FGF14: variants seen among roughly 807,000 people sequenced by gnomAD.
FGF14 encodes the protein fibroblast growth factor homologous factor 4.
In FGF14, 5 loss-of-function variants were observed where a neutral mutation model predicts 25.5. The observed-to-expected ratio is 0.20, with a 90% CI of 0.10 to 0.41. The LOEUF is 0.41. Ranked by LOEUF, FGF14 falls within the 10% of genes least tolerant of loss-of-function variation. The pLI is 1.00. For synonymous variants in FGF14, 138 were observed against 118.3 expected, an observed-to-expected ratio of 1.17 and a Z score of -1.08; for missense variants, 222 against 320.1, an observed-to-expected ratio of 0.69 and a Z score of 2.34.
intron 1 of FGF14, among the ~76,000 whole-genome samples, chr13:101,978,106 G>T (rs1016061698): frequency 6.6e-6 from 1 of 152,114 alleles, no homozygotes; most frequent in Non-Finnish European, 1.5e-5. Context: ...TCCAAAACAG[G>T]GAGATTTAAA....
chr13:101,901,234 A>T (rs900084001), intron 1 of FGF14, among the ~76,000 whole-genome samples: 4 of 152,218 alleles, frequency 2.6e-5, no homozygotes, highest in Non-Finnish European at 4.4e-5. Flanking sequence ...TATTATTGAA[A>T]TAGCAACATT....
intron 3 of FGF14, among the ~76,000 whole-genome samples, chr13:101,829,776 C>G (rs1184876747): frequency 6.6e-6 from 1 of 152,084 alleles, no homozygotes; most frequent in African/African-American, 2.4e-5. Flanking sequence ...TTTCAAAACT[C>G]TATTAGCATT....
intron 1 of FGF14, among the ~76,000 whole-genome samples, chr13:101,992,547 T>C (rs965937251): frequency 6.6e-6 from 1 of 152,012 alleles, no homozygotes; most frequent in Non-Finnish European, 1.5e-5. Flanking sequence ...TAAAACAATT[T>C]TGAACAATAT....
intron 1 of FGF14, among the ~76,000 whole-genome samples, chr13:102,049,769 A>G (rs2042141297): frequency 6.6e-6 from 1 of 152,134 alleles, no homozygotes; most frequent in African/African-American, 2.4e-5. Flanking sequence ...AAACACACAA[A>G]CACACAATGT....
At chr13:102,237,585 GAAAA>G (rs3066871) in intron 1 of FGF14, among the ~76,000 whole-genome samples, 250 of 135,602 alleles carry the variant, frequency 1.8e-3, no homozygotes, top group African/African-American at 6.3e-3. Context: ...TTACACTTCA[GAAAA>G]AAAAAAAAAA....
chr13:102,290,637 T>G (rs758824238), intron 1 of FGF14, among the ~76,000 whole-genome samples: 1 of 152,308 alleles, frequency 6.6e-6, no homozygotes, highest in African/African-American at 2.4e-5. Flanking sequence ...GTGCTGTGCC[T>G]GAGCCCAGCA....
chr13:102,383,412 C>T (rs1014438912), intron 1 of FGF14, among the ~76,000 whole-genome samples: 1 of 152,078 alleles, frequency 6.6e-6, no homozygotes, highest in African/African-American at 2.4e-5. Flanking sequence ...GACAATAAAC[C>T]AATTTCCAGT....
intron 1 of FGF14, among the ~76,000 whole-genome samples, chr13:101,896,441 C>G (rs886522269): frequency 6.6e-6 from 1 of 152,154 alleles, no homozygotes; most frequent in African/African-American, 2.4e-5. Flanking sequence ...CTCAGCAAGC[C>G]TATGGGTCAT....
chr13:101,902,746 T>C (rs972850931), intron 1 of FGF14, among the ~76,000 whole-genome samples: 3 of 152,242 alleles, frequency 2.0e-5, no homozygotes, highest in Admixed American at 2.0e-4. Context: ...AAGGGATGTC[T>C]TTCCTGCTCA....
intron 1 of FGF14, among the ~76,000 whole-genome samples, chr13:102,111,731 AAAAG>A (rs1248531998): frequency 6.6e-6 from 1 of 151,700 alleles, no homozygotes; most frequent in African/African-American, 2.4e-5. Flanking sequence ...GAAAAAAAAA[AAAAG>A]ATAGTCTCAT....
chr13:101,793,999 C>T (rs112909851), intron 3 of FGF14, among the ~76,000 whole-genome samples: 118 of 152,176 alleles, frequency 7.8e-4, no homozygotes, highest in African/African-American at 2.8e-3. Context: ...AATGCCACTG[C>T]ATCACACACA....
intron 1 of FGF14, among the ~76,000 whole-genome samples, chr13:102,321,142 T>C (rs4143610): frequency 0.78 from 117,859 of 151,870 alleles, 46,755 homozygotes; most frequent in African/African-American, 0.95. Flanking sequence ...AACTGCCAAA[T>C]GTCTATATAT....
intron 1 of FGF14, among the ~76,000 whole-genome samples, chr13:101,900,494 C>T (rs2031389016): frequency 1.3e-5 from 2 of 152,234 alleles, no homozygotes; most frequent in Admixed American, 6.5e-5. Context: ...GGGGACTTCA[C>T]TACAGATTTT....
At chr13:102,085,647 G>T (rs2043861111) in intron 1 of FGF14, among the ~76,000 whole-genome samples, 1 of 152,158 alleles carries the variant, frequency 6.6e-6, no homozygotes, top group South Asian at 2.1e-4. Flanking sequence ...TTATCCTGGG[G>T]AGTTAATAAC....
At chr13:102,182,586 T>C (rs560602029) in intron 1 of FGF14, among the ~76,000 whole-genome samples, 2 of 152,306 alleles carry the variant, frequency 1.3e-5, no homozygotes, top group South Asian at 4.1e-4. Flanking sequence ...GTTTTCTCTC[T>C]TGTAAGGTAA....
chr13:102,050,497 C>A (rs76449520), intron 1 of FGF14, among the ~76,000 whole-genome samples: 1 of 152,084 alleles, frequency 6.6e-6, no homozygotes, highest in African/African-American at 2.4e-5. Flanking sequence ...TTTCAAGATG[C>A]CCATATATTT....
At chr13:102,363,246 T>C (rs1324912305) in intron 1 of FGF14, among the ~76,000 whole-genome samples, 15 of 152,236 alleles carry the variant, frequency 9.9e-5, no homozygotes, top group Admixed American at 8.5e-4. Flanking sequence ...TTTAGATCAG[T>C]TGTGACCTCC....
chr13:101,779,949 A>C (rs568835409), intron 3 of FGF14, among the ~76,000 whole-genome samples: 61 of 152,254 alleles, frequency 4.0e-4, no homozygotes, highest in Non-Finnish European at 7.4e-4. Flanking sequence ...AGCAAGTATC[A>C]TGCCTTGAAA....
intron 1 of FGF14, among the ~76,000 whole-genome samples, chr13:102,170,963 T>A (rs1182277199): frequency 6.6e-6 from 1 of 152,190 alleles, no homozygotes; most frequent in Non-Finnish European, 1.5e-5. Flanking sequence ...AAAGCATTGC[T>A]TTAAAATCTT....
Sources: allele counts gnomAD v4.1 joint callset (sites outside exome capture counted in the v4.1 genomes callset), GRCh38; gene constraint gnomAD v4.1.1; transcripts MANE v1.5; gene names NCBI Gene and HGNC (gene_info 2026-07-23, HGNC 2026-07-21).